The following PTGER3 variants were observed in gnomAD, a reference collection of about 807,000 sequenced individuals.
PTGER3 encodes the protein prostaglandin E2 receptor EP3 subtype.
A neutral mutation model predicts 34.7 loss-of-function variants in PTGER3; 22 were observed. That is an observed-to-expected ratio of 0.63 (90% confidence interval 0.45 to 0.91). The LOEUF (loss-of-function observed/expected upper bound fraction) is 0.91. Ranked by LOEUF, PTGER3 falls within the 40% of genes least tolerant of loss-of-function variation. PTGER3 has a pLI of 0.00. For missense variants in PTGER3, 468 were observed against 519.4 expected (o/e 0.90, Z 0.96); for synonymous variants, 241 against 230.1 (o/e 1.05, Z -0.43).
At chr1:70,874,666 C>T (rs952814255) in intron 4 of PTGER3, among the ~76,000 whole-genome samples, 2 of 152,090 alleles carry the variant, frequency 1.3e-5, no homozygotes, top group African/African-American at 4.8e-5. Flanking sequence ...TTATGTCTCT[C>T]CTTCTGTCTC....
chr1:70,931,768 T>C (rs903098494), intron 4 of PTGER3, among the ~76,000 whole-genome samples: 2 of 152,000 alleles, frequency 1.3e-5, no homozygotes, highest in African/African-American at 4.8e-5. Flanking sequence ...CACAAAACTG[T>C]TTTTTCCTCC....
intron 2 of PTGER3, among the ~76,000 whole-genome samples, chr1:70,994,957 A>C (rs1051876370): frequency 3.9e-5 from 6 of 152,082 alleles, no homozygotes; most frequent in Non-Finnish European, 8.8e-5. Flanking sequence ...ACTAAGATTA[A>C]AATGATGTGT....
At chr1:71,011,780 CAGAA>C (rs1201760938) in intron 2 of PTGER3, 2 of 988,122 alleles carry the variant, frequency 2.0e-6, no homozygotes, top group Non-Finnish European at 2.4e-6. Context: ...AAAAAAGTGA[CAGAA>C]AGCGAGAGAG....
At chr1:70,964,202 A>C (rs1652267515) in intron 2 of PTGER3, among the ~76,000 whole-genome samples, 1 of 152,110 alleles carries the variant, frequency 6.6e-6, no homozygotes, top group South Asian at 2.1e-4. Flanking sequence ...TGAGCCCTCC[A>C]ATTCTCTAGG....
intron 2 of PTGER3, among the ~76,000 whole-genome samples, chr1:70,985,356 T>C (rs1654815959): frequency 6.6e-6 from 1 of 152,084 alleles, no homozygotes. Context: ...TGGAAGGCAG[T>C]GGAAAGCTGA....
chr1:70,932,018 AC>A (rs1293315392), intron 4 of PTGER3, among the ~76,000 whole-genome samples: 9 of 152,156 alleles, frequency 5.9e-5, no homozygotes, highest in Non-Finnish European at 5.9e-5. Flanking sequence ...TTTAAACAGC[AC>A]CCAAGTCATG....
At chr1:71,037,715 A>G (rs1659966246) in intron 1 of PTGER3, among the ~76,000 whole-genome samples, 1 of 152,088 alleles carries the variant, frequency 6.6e-6, no homozygotes, top group South Asian at 2.1e-4. Flanking sequence ...TACCGGTTAG[A>G]AAAGGAAAGT....
chr1:70,966,390 A>G (rs190592319), downstream of PTGER3, among the ~76,000 whole-genome samples: 1,033 of 152,310 alleles, frequency 6.8e-3, 12 homozygotes, highest in African/African-American at 0.024. Flanking sequence ...CAAAACCTAT[A>G]GAAATAAAAA....
At chr1:70,988,860 G>A (rs916957939) in intron 2 of PTGER3, among the ~76,000 whole-genome samples, 1 of 152,136 alleles carries the variant, frequency 6.6e-6, no homozygotes, top group African/African-American at 2.4e-5. Context: ...AATGTGAAGA[G>A]AAGCCACACT....
intron 2 of PTGER3, among the ~76,000 whole-genome samples, chr1:70,996,639 T>TTTTATTTAATTA (rs1655982772): frequency 8.1e-6 from 1 of 122,752 alleles, no homozygotes; most frequent in Non-Finnish European, 1.7e-5. Context: ...TTTTTTGTAT[T>TTTTATTTAATTA]TTTATTTATT....
At chr1:70,889,331 C>T (rs1453186314) in intron 4 of PTGER3, among the ~76,000 whole-genome samples, 1 of 146,552 alleles carries the variant, frequency 6.8e-6, no homozygotes, top group East Asian at 2.0e-4. Flanking sequence ...AGGAGAATGG[C>T]ATGAACCCAG....
intron 2 of PTGER3, among the ~76,000 whole-genome samples, chr1:70,978,568 T>C (rs1473401613): frequency 6.6e-6 from 1 of 152,162 alleles, no homozygotes; most frequent in Admixed American, 6.6e-5. Context: ...ATCCGGATAA[T>C]AATATGTATA....
intron 3 of PTGER3, chr1:70,953,208 A>G: frequency 1.4e-6 from 1 of 711,962 alleles, no homozygotes. Flanking sequence ...TCCAGAGATT[A>G]TTTAAAATGT....
intron 2 of PTGER3, among the ~76,000 whole-genome samples, chr1:70,979,244 T>G (rs761989339): frequency 2.9e-4 from 44 of 152,184 alleles, no homozygotes; most frequent in Middle Eastern, 3.4e-3. Flanking sequence ...GAATGATTTC[T>G]TCTACATTTT....
At chr1:70,870,699 T>G (rs766037523) in intron 4 of PTGER3, among the ~76,000 whole-genome samples, 3 of 152,184 alleles carry the variant, frequency 2.0e-5, no homozygotes, top group Non-Finnish European at 4.4e-5. Flanking sequence ...AGGTTGTCAC[T>G]CTCAAGTTCA....
At chr1:71,008,510 C>T in intron 2 of PTGER3, 4 of 935,968 alleles carry the variant, frequency 4.3e-6, no homozygotes, top group Non-Finnish European at 5.1e-6. Flanking sequence ...TAGTTAGTTT[C>T]CTTACAATAC....
chr1:70,979,138 G>A (rs1045265110), intron 2 of PTGER3, among the ~76,000 whole-genome samples: 1 of 152,120 alleles, frequency 6.6e-6, no homozygotes, highest in Non-Finnish European at 1.5e-5. Flanking sequence ...AGCCCCACAA[G>A]AGCAGAGATT....
chr1:70,966,827 A>G (rs1652573257), downstream of PTGER3, among the ~76,000 whole-genome samples: 1 of 151,844 alleles, frequency 6.6e-6, no homozygotes, highest in Admixed American at 6.6e-5. Context: ...TATGAACCAC[A>G]TTTTCTTTAT....
At chr1:71,042,451 G>A (rs1246355067) in intron 1 of PTGER3, among the ~76,000 whole-genome samples, 3 of 151,928 alleles carry the variant, frequency 2.0e-5, no homozygotes, top group African/African-American at 4.8e-5. Context: ...ACTCATAAAT[G>A]TGGAAATTCT....
Sources: gnomAD v4.1 joint callset for allele counts (sites outside exome capture counted in the v4.1 genomes callset) on GRCh38, gnomAD v4.1.1 for gene constraint, MANE v1.5 for transcripts, NCBI Gene and HGNC (gene_info 2026-07-23, HGNC 2026-07-21) for gene names.